The following RHOBTB2 variants were observed in gnomAD, a reference collection of about 807,000 sequenced individuals.
RHOBTB2 encodes rho-related BTB domain-containing protein 2.
In RHOBTB2, 39 loss-of-function variants were observed where a neutral mutation model predicts 66.5. The ratio of observed to expected loss-of-function variants is 0.59; its 90% CI spans 0.45 to 0.77. RHOBTB2 has a LOEUF of 0.77. RHOBTB2 is among the 30% of genes least tolerant of loss of function. The probability of loss-of-function intolerance (pLI) is 0.00; values close to 1 mark genes in which losing one functional copy is unlikely to be tolerated. For missense variants in RHOBTB2, 755 were observed against 999.1 expected (o/e 0.76, Z 3.29); for synonymous variants, 390 against 395.0 (o/e 0.99, Z 0.15).
chr8:22,997,093 A>G, upstream of RHOBTB2, among the ~76,000 whole-genome samples: 1 of 152,090 alleles, frequency 6.6e-6, no homozygotes, highest in East Asian at 1.9e-4. Flanking sequence ...CTGAGCTGTG[A>G]GTAGTGAACC....
chr8:22,997,938 G>A (rs1439167655), upstream of RHOBTB2, among the ~76,000 whole-genome samples: 1 of 152,196 alleles, frequency 6.6e-6, no homozygotes, highest in Non-Finnish European at 1.5e-5. Flanking sequence ...GTGTGAGCAT[G>A]GTTTACTTTC....
upstream of RHOBTB2, chr8:22,994,603 G>T (rs186695833): frequency 7.8e-5 from 121 of 1,551,544 alleles, 1 homozygote; most frequent in African/African-American, 1.4e-3. Flanking sequence ...TGGAGAAAAG[G>T]CCCCGATGGC....
At chr8:22,958,635 C>CA in the RHOBTB2 span, among the ~76,000 whole-genome samples, 2 of 151,188 alleles carry the variant, frequency 1.3e-5, no homozygotes, top group African/African-American at 2.4e-5. Context: ...CCTGTCTCTA[C>CA]AAAAAAATCA....
the RHOBTB2 span, among the ~76,000 whole-genome samples, chr8:22,981,893 G>A: frequency 1.9e-5 from 2 of 103,304 alleles, no homozygotes; most frequent in African/African-American, 9.2e-5. Flanking sequence ...GCTGCAGCCT[G>A]GGCGGTTCCA....
upstream of RHOBTB2, among the ~76,000 whole-genome samples, chr8:22,982,782 TATAAAC>T (rs2128793657): frequency 6.6e-6 from 1 of 152,340 alleles, no homozygotes; most frequent in South Asian, 2.1e-4. Flanking sequence ...CTGGGTGACT[TATAAAC>T]AGAAATTTAT....
chr8:22,987,921 C>T (rs1158271413), intron 1 of RHOBTB2, among the ~76,000 whole-genome samples: 1 of 152,260 alleles, frequency 6.6e-6, no homozygotes, highest in African/African-American at 2.4e-5. Context: ...GCCACTCTCT[C>T]CTTGTGACCC....
chr8:22,966,442 T>A, the RHOBTB2 span, among the ~76,000 whole-genome samples: 2 of 151,924 alleles, frequency 1.3e-5, no homozygotes, highest in South Asian at 2.1e-4. Flanking sequence ...AGGACTTGAA[T>A]AGACATTTTT....
At position 23,007,387 on chromosome 8, in the gene RHOBTB2, G is replaced by T; in HGVS notation, c.1142G>T (p.Gly381Val). Residue 381 changes from glycine (G) to valine (V), a missense_variant, in exon 5 of 10, where the codon GGC becomes GTC. Around this residue, in one of 7 missense-constraint regions of RHOBTB2, gnomAD observed 247 missense variants for 238.9 expected, o/e 1.03. Coordinates refer to ENST00000251822, the MANE Select transcript of RHOBTB2 (RefSeq NM_015178.3). ...LRGNGTGYLP[G>V]RGRVLSSWSR... ...GGCAACGGAACAGGGTACCTACCGG[G>T]CAGGGGTCGTGTGCTGTCTTCCTGG... The T allele has an allele frequency of 2.5e-6, 4 of 1,614,116 alleles. No homozygotes were observed. Among genetic ancestry groups the T allele is most frequent in the Non-Finnish European group, 3.4e-6 (4 of 1,180,026 alleles).
At chr8:22,951,518 A>G in the RHOBTB2 span, among the ~76,000 whole-genome samples, 1 of 152,098 alleles carries the variant, frequency 6.6e-6, no homozygotes, top group African/African-American at 2.4e-5. Context: ...TAGTTCTTAT[A>G]GGTTTTGGGA....
intron 8 of RHOBTB2, among the ~76,000 whole-genome samples, chr8:23,015,088 T>G (rs918982061): frequency 6.6e-6 from 1 of 152,154 alleles, no homozygotes; most frequent in Non-Finnish European, 1.5e-5. Flanking sequence ...TAAGGGGCAC[T>G]GAGGACTTTC....
At chr8:22,980,482 T>A in the RHOBTB2 span, among the ~76,000 whole-genome samples, 4 of 152,260 alleles carry the variant, frequency 2.6e-5, no homozygotes, top group Non-Finnish European at 5.9e-5. Context: ...CATTTACTAG[T>A]AAATTTAAAT....
chr8:22,989,683 A>G (rs546970084), intron 1 of RHOBTB2, among the ~76,000 whole-genome samples: 1 of 152,380 alleles, frequency 6.6e-6, no homozygotes, highest in African/African-American at 2.4e-5. Flanking sequence ...AAAAGCTGGC[A>G]TCAGAACCAC....
At chr8:22,982,622 C>T (rs139102647), upstream of RHOBTB2, among the ~76,000 whole-genome samples, 263 of 152,260 alleles carry the variant, frequency 1.7e-3, 8 homozygotes, top group East Asian at 0.049. Context: ...GTTGAGGCTG[C>T]AATGAGCTGT....
intron 1 of RHOBTB2, among the ~76,000 whole-genome samples, chr8:23,003,783 T>C (rs749029005): frequency 2.6e-5 from 4 of 152,092 alleles, no homozygotes; most frequent in Non-Finnish European, 4.4e-5. Context: ...AACCTCCCCA[T>C]CCTAGAGAGG....
the RHOBTB2 span, among the ~76,000 whole-genome samples, chr8:22,961,073 T>TA: frequency 6.6e-6 from 1 of 152,108 alleles, no homozygotes; most frequent in African/African-American, 2.4e-5. Context: ...TTTTTTAAAT[T>TA]AGTTTTTTGT....
the RHOBTB2 span, among the ~76,000 whole-genome samples, chr8:22,961,417 T>TGCCG: frequency 1.3e-5 from 2 of 152,338 alleles, 1 homozygote; most frequent in Admixed American, 1.3e-4. Flanking sequence ...AAATGCTGCC[T>TGCCG]GCCTGCCTGC....
the RHOBTB2 span, among the ~76,000 whole-genome samples, chr8:22,967,484 G>A: frequency 0.26 from 39,475 of 151,504 alleles, 6,324 homozygotes; most frequent in East Asian, 0.42. Flanking sequence ...GATGGCAGGC[G>A]CCTGTAATCC....
the RHOBTB2 span, among the ~76,000 whole-genome samples, chr8:22,977,283 T>C: frequency 1.3e-5 from 2 of 152,086 alleles, no homozygotes; most frequent in Non-Finnish European, 2.9e-5. Flanking sequence ...GGATGCTCAA[T>C]AGATATTTGT....
chr8:22,956,371 A>C, the RHOBTB2 span, among the ~76,000 whole-genome samples: 1 of 152,112 alleles, frequency 6.6e-6, no homozygotes, highest in Non-Finnish European at 1.5e-5. Context: ...TCATGGGACC[A>C]GTTTCTTATG....
Sources: gnomAD v4.1 joint callset for allele counts (sites outside exome capture counted in the v4.1 genomes callset) on GRCh38, gnomAD v4.1.1 for gene constraint, gnomAD v4.1.1 regional missense constraint, MANE v1.5 for transcripts, NCBI Gene and HGNC (gene_info 2026-07-23, HGNC 2026-07-21) for gene names.